FNDC1: variants seen among roughly 807,000 people sequenced by gnomAD.
The protein encoded by FNDC1 is fibronectin type III domain-containing protein 1.
A neutral mutation model predicts 168.0 loss-of-function variants in FNDC1; 96 were observed. The observed-to-expected ratio is 0.57, with a 90% confidence interval of 0.48 to 0.68. The LOEUF is 0.68. FNDC1 is among the 30% of genes least tolerant of loss of function. The probability of loss-of-function intolerance (pLI) is 0.00; values close to 1 mark genes in which losing one functional copy is unlikely to be tolerated. For synonymous variants in FNDC1, 1,099 were observed against 1,025.9 expected (o/e 1.07, Z -1.36); for missense variants, 2,587 against 2,482.1 (o/e 1.04, Z -0.90).
At chr6:159,257,859 T>C (rs1206433047) in intron 18 of FNDC1, among the ~76,000 whole-genome samples, 4 of 151,258 alleles carry the variant, frequency 2.6e-5, no homozygotes, top group Admixed American at 6.6e-5. Context: ...TTTTAATCAA[T>C]TAGAGAAAAC....
chr6:159,196,161 C>G (rs1782237202), intron 1 of FNDC1, among the ~76,000 whole-genome samples: 1 of 152,220 alleles, frequency 6.6e-6, no homozygotes, highest in Non-Finnish European at 1.5e-5. Flanking sequence ...GCCTACTTAC[C>G]TGTGATTCCT....
chr6:159,211,138 G>A (rs1252564220), intron 4 of FNDC1, among the ~76,000 whole-genome samples: 4 of 152,198 alleles, frequency 2.6e-5, no homozygotes, highest in East Asian at 1.9e-4. Flanking sequence ...CCTGGGGTAA[G>A]GTGGGTATTT....
Position 159,233,268 on chromosome 6 carries a change from T to C in FNDC1, c.2756T>C (p.Leu919Pro). ...AGAAGCCCGCAGAGAGGGGCCAGCC[T>C]GCATCGGAAGGAACCCATCCCAGAG... ...LRRSPQRGAS[L>P]HRKEPIPENP... The change falls in exon 11 of 23, where the codon CTG (leucine) becomes CCG (proline). Residue 919 changes from leucine to proline, a missense_variant. By Grantham distance (98) the Leu-to-Pro change is moderately conservative (BLOSUM62 -3). Transcript: ENST00000297267. This position sits in a 1 kb window ranked among gnomAD's most constrained non-coding sequence, Gnocchi z 4.6. The C allele has an allele frequency of 6.2e-7, 1 of 1,613,922 alleles. No individual in the cohort carries two copies. Among genetic ancestry groups the C allele is most frequent in the Non-Finnish European group, 8.5e-7 (1 of 1,179,872 alleles).
chr6:159,190,427 C>A (rs1317853556), intron 1 of FNDC1, among the ~76,000 whole-genome samples: 2 of 152,248 alleles, frequency 1.3e-5, no homozygotes, highest in Non-Finnish European at 2.9e-5. Flanking sequence ...TCAGGTCTGC[C>A]TTCCTACGGG....
intron 21 of FNDC1, 42 bp downstream of exon 21, chr6:159,266,287 T>A (rs1777591963): frequency 6.2e-7 from 1 of 1,605,858 alleles, no homozygotes; most frequent in Admixed American, 1.7e-5. Context: ...GTATGGAACA[T>A]TTTGATTTAT....
intron 5 of FNDC1, chr6:159,218,737 A>G (rs1411922465): frequency 6.6e-6 from 1 of 152,222 alleles, no homozygotes; most frequent in Non-Finnish European, 1.5e-5. Context: ...GATCCCAGGG[A>G]GGCACCAGTG....
rs554696344 is a variant in FNDC1, at chr6:159,251,261, A to G, written c.4835-41A>G. 41 of 1,486,632 alleles carry G rather than the reference A, an allele frequency of 2.8e-5. No homozygotes were observed. The African/African-American group carries it at 3.7e-4, about 14-fold the overall frequency. 92.1% of individuals were successfully genotyped at this position (1,486,632 alleles called of 1,614,324 possible). On this transcript the variant is annotated intron_variant, in intron 16 of 22. Transcript: ENST00000297267. ...ATGCTATGTTTCTGCCTCCAGAAAA[A>G]GCCTCCAGCAATCCAATTGGTTATC...
At chr6:159,268,637 T>C (rs970257349) in intron 22 of FNDC1, among the ~76,000 whole-genome samples, 1 of 152,082 alleles carries the variant, frequency 6.6e-6, no homozygotes, top group Non-Finnish European at 1.5e-5. Context: ...TACCTATCTA[T>C]CCATCTATGT....
intron 17 of FNDC1, among the ~76,000 whole-genome samples, chr6:159,253,754 G>A (rs114130819): frequency 0.021 from 3,147 of 152,288 alleles, 109 homozygotes; most frequent in African/African-American, 0.071. Context: ...GATGTGCCCA[G>A]CAAGCACCTT....
At position 159,226,537 on chromosome 6, in the gene FNDC1, T is replaced by C. The variant is rs1782958120; in HGVS notation, c.1137T>C (p.Ala379=). ...TCAATGGCAAACCTACAGTTGTCGC[T>C]GCATCTTGGGATGCGCTACCAGAGA... is the stretch of plus-strand genomic sequence containing the variant. The part of the protein sequence containing the change: ...WPVNGKPTVV[A]ASWDALPETE... Residue 379 remains alanine (A), a synonymous_variant, in exon 9 of 23, where the codon GCT becomes GCC. Coordinates refer to ENST00000297267, the MANE Select transcript of FNDC1 (RefSeq NM_032532.3). The C allele has an allele frequency of 6.2e-7, 1 of 1,610,988 alleles. No homozygotes were observed. The highest frequency in any genetic ancestry group is 1.1e-5 in the South Asian group (1 of 90,026).
chr6:159,270,238 G>T (rs1777714435), intron 22 of FNDC1, among the ~76,000 whole-genome samples: 2 of 152,146 alleles, frequency 1.3e-5, no homozygotes, highest in South Asian at 4.1e-4. Flanking sequence ...CCCACTGCAA[G>T]AGGACAACAG....
At chr6:159,260,760 G>A (rs1162549104) in intron 18 of FNDC1, among the ~76,000 whole-genome samples, 1 of 152,218 alleles carries the variant, frequency 6.6e-6, no homozygotes, top group African/African-American at 2.4e-5. Flanking sequence ...ATTCTGCTTT[G>A]TAGTGTTTTG....
intron 1 of FNDC1, among the ~76,000 whole-genome samples, chr6:159,171,463 G>A (rs1781658473): frequency 6.6e-6 from 1 of 152,132 alleles, no homozygotes; most frequent in Admixed American, 6.5e-5. Context: ...CCTCTCTCTG[G>A]TTGAACTAAT....
At position 159,269,474 on chromosome 6, in the gene FNDC1, CTAT is replaced by C. The variant is rs1201014916; in HGVS notation, c.5569+1549_5569+1551del. Among the ~76,000 whole-genome samples, 331 of 140,302 alleles carry C rather than the reference CTAT, an allele frequency of 2.4e-3. 2 individuals are homozygous for C. Among genetic ancestry groups the C allele is most frequent in the Non-Finnish European group, 3.9e-3 (257 of 65,766 alleles). The allele number at this position is 140,302 out of a possible 152,430, so 92.0% of individuals were successfully genotyped here. The stretch of plus-strand genomic sequence containing the variant: ...TATTCACATCTATCTATCTATCTAT[CTAT>C]CTATCTATCTATCTATCTATCTATC... On this transcript the variant is annotated intron_variant, in intron 22 of 22. Coordinates refer to ENST00000297267, the MANE Select transcript of FNDC1 (RefSeq NM_032532.3).
intron 1 of FNDC1, among the ~76,000 whole-genome samples, chr6:159,186,193 T>A (rs1187761007): frequency 2.0e-5 from 3 of 152,204 alleles, no homozygotes; most frequent in African/African-American, 7.2e-5. Context: ...GCTTTGTAGA[T>A]CTTTTCCAAG....
Position 159,233,885 on chromosome 6 carries a change from C to G in FNDC1, c.3373C>G (p.His1125Asp). The G allele has an allele frequency of 6.5e-7, 1 of 1,547,516 alleles. No individual in the cohort carries two copies. ...SPTGAGAGGD[H>D]RSQRGHAASP... is the part of the protein sequence containing the mutation. ...CACAGGCGCAGGGGCAGGTGGCGACCACAGGTCCCAGCGCGGACATGCGGC... is the reference window on the plus strand; with the variant it reads ...CACAGGCGCAGGGGCAGGTGGCGACGACAGGTCCCAGCGCGGACATGCGGC... The change falls in exon 11 of 23, where the codon CAC becomes GAC. Residue 1125 changes from histidine to aspartate, a missense_variant. Coordinates refer to ENST00000297267, the MANE Select transcript of FNDC1 (RefSeq NM_032532.3). This position sits in a 1 kb window ranked among gnomAD's most constrained non-coding sequence, Gnocchi z 4.6.
intron 20 of FNDC1, 126 bp downstream of exon 20, chr6:159,265,130 G>A: frequency 1.3e-6 from 1 of 760,690 alleles, no homozygotes; most frequent in East Asian, 2.7e-5. Flanking sequence ...CAACTTCTAT[G>A]CTTTCCTTGC....
intron 2 of FNDC1, among the ~76,000 whole-genome samples, chr6:159,198,904 T>C (rs1782311941): frequency 1.3e-5 from 2 of 152,228 alleles, no homozygotes; most frequent in Non-Finnish European, 2.9e-5. Flanking sequence ...TGCCAAACCC[T>C]GAATGCCACC....
intron 22 of FNDC1, among the ~76,000 whole-genome samples, chr6:159,270,326 A>G (rs1007057030): frequency 2.0e-5 from 3 of 152,250 alleles, no homozygotes; most frequent in African/African-American, 7.2e-5. Flanking sequence ...CATCTAAGAA[A>G]TAGTTTACAA....
Sources: gnomAD v4.1 joint callset for allele counts (sites outside exome capture counted in the v4.1 genomes callset) on GRCh38, gnomAD v4.1.1 for gene constraint, Gnocchi (gnomAD v3.1) non-coding constraint, MANE v1.5 for transcripts, NCBI Gene and HGNC (gene_info 2026-07-23, HGNC 2026-07-21) for gene names.